PLEK: variants seen among roughly 807,000 people sequenced by gnomAD.
PLEK encodes the protein platelet 47 kDa protein.
A neutral mutation model predicts 43.9 loss-of-function variants in PLEK; 25 were observed. The observed-to-expected ratio is 0.57, with a 90% confidence interval of 0.41 to 0.79. The LOEUF (loss-of-function observed/expected upper bound fraction) is 0.79, where lower values mean the gene tolerates loss of function less well. Ranked by LOEUF, PLEK falls within the 30% of genes least tolerant of loss-of-function variation. The probability of loss-of-function intolerance (pLI) is 0.00; values close to 1 mark genes in which losing one functional copy is unlikely to be tolerated. For synonymous variants in PLEK, 152 were observed against 144.4 expected, an observed-to-expected ratio of 1.05 and a Z score of -0.38; for missense variants, 396 against 413.3, an observed-to-expected ratio of 0.96 and a Z score of 0.36.
intron 4 of PLEK, among the ~76,000 whole-genome samples, chr2:68,383,549 T>TGGGCCA (rs1673675721): frequency 6.6e-6 from 1 of 152,034 alleles, no homozygotes; most frequent in Non-Finnish European, 1.5e-5. Flanking sequence ...GAGCAGAGGA[T>TGGGCCA]GGGCAAAGGA....
At position 68,388,500 on chromosome 2, in the gene PLEK, C is replaced by T; in HGVS notation, c.762+9C>T. 1 of 1,369,962 alleles carries T rather than the reference C, an allele frequency of 7.3e-7. No homozygotes were observed. The highest frequency in any genetic ancestry group is 1.0e-6 in the Non-Finnish European group (1 of 957,246). 84.9% of individuals were successfully genotyped at this position (1,369,962 alleles called of 1,614,324 possible). A position where few individuals can be genotyped will look rare whatever the true frequency, so the allele number is the denominator to read the frequency against. ...GATGTTTACTGAAGCAGGTGAGTGGCCACAACTGCTCCCATCTAGCCTTTT... is the reference window on the plus strand; with the variant it reads ...GATGTTTACTGAAGCAGGTGAGTGGTCACAACTGCTCCCATCTAGCCTTTT... On this transcript the variant is annotated intron_variant, in intron 6 of 8. Coordinates refer to ENST00000234313, the MANE Select transcript of PLEK (RefSeq NM_002664.3).
intron 1 of PLEK, among the ~76,000 whole-genome samples, chr2:68,370,155 A>G (rs1218987843): frequency 3.9e-5 from 6 of 152,248 alleles, no homozygotes; most frequent in Admixed American, 3.3e-4. Flanking sequence ...TCTGCTTTAG[A>G]TATGCAGTTT....
At chr2:68,393,968 C>A (rs532403034) in intron 7 of PLEK, 139 bp from the exon 8 acceptor site, 3 of 615,028 alleles carry the variant, frequency 4.9e-6, no homozygotes, top group South Asian at 3.6e-5. Context: ...AGCAGTTTTT[C>A]TTTAATCTCC....
intron 1 of PLEK, among the ~76,000 whole-genome samples, chr2:68,371,425 T>C (rs556119644): frequency 1.3e-5 from 2 of 152,262 alleles, no homozygotes; most frequent in Admixed American, 6.5e-5. Context: ...ACCTGCAGCT[T>C]TGAGGTCACT....
Position 68,365,401 on chromosome 2 carries a change from A to C in PLEK, c.42+8A>C. On this transcript the variant is annotated splice_region_variant and intron_variant, in intron 1 of 8. Transcript: ENST00000234313. ...GGCTACCTTGTGAAGAAGGTGAGCG[A>C]AGGTGCCACTTACCAGGGTGTCAGT... The C allele has an allele frequency of 6.2e-7, 1 of 1,612,440 alleles. No individual in the cohort carries two copies. The highest frequency in any genetic ancestry group is 8.5e-7 in the Non-Finnish European group (1 of 1,178,524).
At chr2:68,371,404 G>T (rs530060649) in intron 1 of PLEK, among the ~76,000 whole-genome samples, 228 of 152,282 alleles carry the variant, frequency 1.5e-3, no homozygotes, top group African/African-American at 5.0e-3. Flanking sequence ...GCTTTGAACA[G>T]GCTCTGGTTT....
At chr2:68,395,634 C>T (rs1279788682) in intron 8 of PLEK, 46 bp from the exon 9 acceptor site, 4 of 1,611,496 alleles carry the variant, frequency 2.5e-6, no homozygotes, top group Non-Finnish European at 3.4e-6. Context: ...AGCAAGTGGT[C>T]TTTCTGATGC....
intron 3 of PLEK, among the ~76,000 whole-genome samples, 156 bp from the exon 4 acceptor site, chr2:68,382,386 T>C (rs1290224225): frequency 6.6e-6 from 1 of 152,230 alleles, no homozygotes; most frequent in African/African-American, 2.4e-5. Flanking sequence ...CCACTACTTA[T>C]GATCTGATGG....
At chr2:68,371,521 C>T (rs1673402166) in intron 1 of PLEK, among the ~76,000 whole-genome samples, 2 of 152,162 alleles carry the variant, frequency 1.3e-5, no homozygotes, top group South Asian at 4.1e-4. Context: ...TACTATATGC[C>T]AATTACTGAT....
intron 1 of PLEK, among the ~76,000 whole-genome samples, chr2:68,376,806 A>G (rs946520067): frequency 3.3e-5 from 5 of 152,166 alleles, no homozygotes; most frequent in African/African-American, 9.7e-5. Flanking sequence ...TTTAAAATAT[A>G]CAATTAAGTT....
intron 1 of PLEK, among the ~76,000 whole-genome samples, chr2:68,374,735 C>T (rs560724971): frequency 2.6e-5 from 4 of 152,232 alleles, no homozygotes; most frequent in South Asian, 4.1e-4. Flanking sequence ...TGTTGTTGAA[C>T]GTCATATGAA....
rs1673979771 is a variant in PLEK, at chr2:68,397,397, T to C, written c.*1581T>C. The C allele has an allele frequency of 6.6e-6, 1 of 152,252 alleles. No homozygotes were observed. Among genetic ancestry groups the C allele is most frequent in the Admixed American group, 6.5e-5 (1 of 15,288 alleles). 9.4% of individuals were successfully genotyped at this position (152,252 alleles called of 1,614,324 possible). A position where few individuals can be genotyped will look rare whatever the true frequency, so the allele number is the denominator to read the frequency against. The stretch of plus-strand genomic sequence containing the variant: ...TTTCTACACTCAGTGTTAAAGTATT[T>C]ATTAATGGGAAGTCAACTTAATGTT... On this transcript the variant is annotated 3_prime_UTR_variant, in exon 9 of 9. Coordinates refer to ENST00000234313, the MANE Select transcript of PLEK (RefSeq NM_002664.3).
intron 1 of PLEK, among the ~76,000 whole-genome samples, chr2:68,373,581 G>C (rs147305544): frequency 9.4e-6 from 1 of 106,192 alleles, no homozygotes; most frequent in East Asian, 4.3e-4. Flanking sequence ...GTATAATAAA[G>C]AAAATAAAAA....
rs199764943 is a variant in PLEK, at chr2:68,395,803, G to A, written c.1040G>A (p.Arg347Gln). 222 of 1,613,402 alleles carry A rather than the reference G, an allele frequency of 1.4e-4. No homozygotes were observed. Among genetic ancestry groups the A allele is most frequent in the Non-Finnish European group, 1.1e-4 (132 of 1,179,520 alleles). Residue 347 changes from arginine (R) to glutamine (Q), a missense_variant, in exon 9 of 9, where the codon CGA becomes CAA. By Grantham distance (43) the Arg-to-Gln change is conservative. Coordinates refer to ENST00000234313, the MANE Select transcript of PLEK (RefSeq NM_002664.3). ...EWIRAIQMAS[R>Q]TGK is the part of the protein sequence containing the mutation. ...ATCAGAGCCATCCAGATGGCCTCCC[G>A]AACTGGGAAGTAAAGAGACTCCTGC... is the stretch of plus-strand genomic sequence containing the variant.
At chr2:68,375,333 C>G (rs1005949724) in intron 1 of PLEK, among the ~76,000 whole-genome samples, 2 of 152,154 alleles carry the variant, frequency 1.3e-5, no homozygotes, top group African/African-American at 4.8e-5. Flanking sequence ...GTTTTCTTTA[C>G]TAAAGTGCCT....
chr2:68,384,198 TCTCCTC>T (rs1425136483), intron 4 of PLEK, among the ~76,000 whole-genome samples: 2 of 140,616 alleles, frequency 1.4e-5, no homozygotes, highest in African/African-American at 2.6e-5. Flanking sequence ...TCCTTCTCCT[TCTCCTC>T]CTTCTTCCTC....
At chr2:68,372,921 G>A (rs1673438169) in intron 1 of PLEK, among the ~76,000 whole-genome samples, 2 of 152,136 alleles carry the variant, frequency 1.3e-5, no homozygotes, top group Admixed American at 1.3e-4. Context: ...ACATTAACTG[G>A]TCAGATGTAC....
chr2:68,390,724 A>G (rs1673842619), intron 6 of PLEK, among the ~76,000 whole-genome samples: 2 of 152,296 alleles, frequency 1.3e-5, no homozygotes, highest in Admixed American at 1.3e-4. Context: ...GCCAGGATTA[A>G]CTTCATAGAA....
rs1228125491 is a variant in PLEK, at chr2:68,386,690, A to G, written c.657+4A>G. On this transcript the variant is annotated splice_donor_region_variant and intron_variant, in intron 5 of 8. Transcript: ENST00000234313. Reference sequence around the variant, plus strand: ...CCCTGATGCCTTCTACTACTTTGTAAGAAAAGCTCCCCATCTCTTCTTCCT... The same window carrying G: ...CCCTGATGCCTTCTACTACTTTGTAGGAAAAGCTCCCCATCTCTTCTTCCT... The G allele has an allele frequency of 9.9e-6, 16 of 1,609,356 alleles. No homozygotes were observed. Among genetic ancestry groups the G allele is most frequent in the Non-Finnish European group, 1.4e-5 (16 of 1,176,296 alleles).
Sources: gnomAD v4.1 joint callset for allele counts (sites outside exome capture counted in the v4.1 genomes callset) on GRCh38, gnomAD v4.1.1 for gene constraint, MANE v1.5 for transcripts, NCBI Gene and HGNC (gene_info 2026-07-23, HGNC 2026-07-21) for gene names.